Variants in ZER1 observed in about 807,000 individuals in gnomAD.
ZER1 encodes zyg-11 related cell cycle regulator.
Under a neutral mutation model 78.8 loss-of-function variants are expected in ZER1, and 11 were observed. The ratio of observed to expected loss-of-function variants is 0.14; its 90% CI spans 0.09 to 0.23. The LOEUF (loss-of-function observed/expected upper bound fraction) is 0.23. Among genes scored for constraint, ZER1 ranks in the 10% least tolerant of loss-of-function variants. The probability of loss-of-function intolerance (pLI) is 1.00; values close to 1 mark genes in which losing one functional copy is unlikely to be tolerated. For synonymous variants in ZER1, 400 were observed against 407.0 expected, an observed-to-expected ratio of 0.98 and a Z score of 0.21; for missense variants, 588 against 996.9, an observed-to-expected ratio of 0.59 and a Z score of 5.52.
intron 8 of ZER1, among the ~76,000 whole-genome samples, chr9:128,744,346 C>G (rs1000082425): frequency 2.6e-5 from 4 of 151,884 alleles, no homozygotes; most frequent in African/African-American, 9.7e-5. Context: ...TGCGTGCTAC[C>G]ATGCCCAGCT....
intron 1 of ZER1, among the ~76,000 whole-genome samples, chr9:128,757,666 C>T (rs1191192217): frequency 2.0e-5 from 3 of 152,106 alleles, no homozygotes; most frequent in Non-Finnish European, 4.4e-5. Flanking sequence ...ATTTTCCACA[C>T]GCCCACTGGC....
intron 8 of ZER1, among the ~76,000 whole-genome samples, chr9:128,747,141 G>A (rs753485086): frequency 1.3e-5 from 2 of 151,322 alleles, no homozygotes; most frequent in African/African-American, 2.4e-5. Context: ...AGAGGTTGTA[G>A]TGAGCCGAGA....
In ZER1 at chr9:128,751,489, G is replaced by A; in HGVS notation, c.962C>T (p.Ala321Val). The change falls in exon 6 of 16, where the codon GCT becomes GTT. Residue 321 changes from alanine to valine, a missense_variant. By Grantham distance (64) the Ala-to-Val change is moderately conservative. This residue lies in a region of ZER1 where 406 missense variants were observed against 660.1 expected (regional missense o/e 0.62). Transcript: ENST00000291900. This position sits in a 1 kb window ranked among gnomAD's most constrained non-coding sequence, Gnocchi z 5.4. ...GAGGAACTGCAGCGGCCTCTTCAGA[G>A]CCCGGAAAGGTATGATGCTGCTCTT... ...PSKSSIIPFR[A>V]LKRPLQFLGL... 6.2e-7 allele frequency: 1 copy of A among 1,614,030 alleles called. No homozygotes were observed. Among genetic ancestry groups the A allele is most frequent in the Non-Finnish European group, 8.5e-7 (1 of 1,180,032 alleles).
At position 128,753,761 on chromosome 9, in the gene ZER1, C is replaced by A. The variant is rs775623731; in HGVS notation, c.309+48G>T. ...CTGGGCTGGAGGCGAGCAGCCTGGCCCCTGCTTGGTGTGGGCCCTCCTGGC... is the reference window on the plus strand; with the variant it reads ...CTGGGCTGGAGGCGAGCAGCCTGGCACCTGCTTGGTGTGGGCCCTCCTGGC... On this transcript the variant is annotated intron_variant, in intron 3 of 15. Coordinates refer to ENST00000291900, the MANE Select transcript of ZER1 (RefSeq NM_006336.4). The surrounding 1 kb of genome is among the most constrained non-coding windows in gnomAD (Gnocchi z 7.5). 15 of 1,585,272 alleles carry A rather than the reference C, an allele frequency of 9.5e-6. No homozygotes were observed. Among genetic ancestry groups the A allele is most frequent in the Non-Finnish European group, 1.2e-5 (14 of 1,164,836 alleles).
chr9:128,742,698 C>T lies in ZER1; in HGVS notation c.1407G>A (p.Glu469=), dbSNP rs1334765996. The change falls in exon 9 of 16, where the codon GAG becomes GAA. Residue 469 remains glutamate, a synonymous_variant. Coordinates refer to ENST00000291900, the MANE Select transcript of ZER1 (RefSeq NM_006336.4). Reference sequence around the variant, plus strand: ...CCCGGCGGTACTGGAATTCCAGCTCCTCGGGGATGCTGAAGTTGCAGAGCG... The same window carrying T: ...CCCGGCGGTACTGGAATTCCAGCTCTTCGGGGATGCTGAAGTTGCAGAGCG... The part of the protein sequence containing the change: ...CLTLCNFSIP[E]ELEFQYRRVN... 3 of 1,613,836 alleles carry T rather than the reference C, an allele frequency of 1.9e-6. No individual in the cohort carries two copies. The highest frequency in any genetic ancestry group is 1.6e-4 in the Middle Eastern group (1 of 6,084).
rs1319719039 is a variant in ZER1 at position 128,738,019 on chromosome 9, T to G, written c.2042+1912A>C. ...TGCCCGGCCCTGTTTTGTTTTCTTG[T>G]TTTTTTTATTCATTTTTATTTTTAT... On this transcript the variant is annotated intron_variant, in intron 13 of 15. Coordinates refer to ENST00000291900, the MANE Select transcript of ZER1 (RefSeq NM_006336.4). Among the ~76,000 whole-genome samples, 10 of 148,238 alleles carry G rather than the reference T, an allele frequency of 6.7e-5. No homozygotes were observed. In the South Asian group the frequency reaches 2.1e-3, roughly 31 times the overall value.
intron 8 of ZER1, among the ~76,000 whole-genome samples, chr9:128,749,793 C>T (rs892062202): frequency 3.9e-5 from 6 of 152,000 alleles, no homozygotes; most frequent in Non-Finnish European, 8.8e-5. Context: ...TCTGTAATCC[C>T]AGCACTTTGG....
intron 8 of ZER1, among the ~76,000 whole-genome samples, chr9:128,747,836 C>A (rs1407741867): frequency 6.6e-6 from 1 of 152,174 alleles, no homozygotes; most frequent in Admixed American, 6.5e-5. Context: ...CCAGGCTGGT[C>A]TGGAACTCCT....
chr9:128,745,199 GTTTT>G (rs570009551), intron 8 of ZER1, among the ~76,000 whole-genome samples: 62 of 128,498 alleles, frequency 4.8e-4, no homozygotes, highest in African/African-American at 1.7e-3. Context: ...ATTTGTTTGG[GTTTT>G]TTTTTTTTTT....
chr9:128,751,849 T>C lies in ZER1; in HGVS notation c.924-322A>G, dbSNP rs1011425101. 6.6e-6 allele frequency among the ~76,000 whole-genome samples: 1 copy of C among 152,196 alleles called. No homozygotes were observed. The highest frequency in any genetic ancestry group is 6.5e-5 in the Admixed American group (1 of 15,276). ...TCAACTGAACACCATTAAAGCAGGC[T>C]GGGGCCAGGGCTTATGGGTGGCCAG... On this transcript the variant is annotated intron_variant, in intron 5 of 15. Transcript: ENST00000291900. This position sits in a 1 kb window ranked among gnomAD's most constrained non-coding sequence, Gnocchi z 5.4.
chr9:128,738,633 C>G (rs1863176732), intron 13 of ZER1, among the ~76,000 whole-genome samples: 2 of 152,014 alleles, frequency 1.3e-5, no homozygotes, highest in East Asian at 3.9e-4. Context: ...GATCCGCCCG[C>G]CTCTGCCTCC....
chr9:128,766,385 T>C lies in ZER1; in HGVS notation c.-95+5196A>G, dbSNP rs1196939466. Among the ~76,000 whole-genome samples the C allele has an allele frequency of 2.0e-5, 3 of 151,658 alleles. No homozygotes were observed. In the East Asian group the frequency reaches 5.8e-4, roughly 29 times the overall value. On this transcript the variant is annotated intron_variant, in intron 1 of 15. Coordinates refer to ENST00000291900, the MANE Select transcript of ZER1 (RefSeq NM_006336.4). ...AAAAAAAGAACTCTGTTAAGTATTT[T>C]ATATGTGTTAATTAATTGAATTCTC... is the stretch of plus-strand genomic sequence containing the variant.
Position 128,754,598 on chromosome 9 carries a change from C to T in ZER1, c.159-639G>A, listed in dbSNP as rs1863796813. Among the ~76,000 whole-genome samples, 1 of 152,116 alleles carries T rather than the reference C, an allele frequency of 6.6e-6. No individual in the cohort carries two copies. Among genetic ancestry groups the T allele is most frequent in the South Asian group, 2.1e-4 (1 of 4,834 alleles). On this transcript the variant is annotated intron_variant, in intron 2 of 15. Coordinates refer to ENST00000291900, the MANE Select transcript of ZER1 (RefSeq NM_006336.4). This position sits in a 1 kb window ranked among gnomAD's most constrained non-coding sequence, Gnocchi z 4.3. The stretch of plus-strand genomic sequence containing the variant: ...CCTGACCCACGGTAAATGCTCAGGA[C>T]GTTATTACAGGTCCACCTCTGTCCT...
rs759983646 is a variant in ZER1 at position 128,755,361 on chromosome 9, C to A, written c.158+47G>T. 3 of 1,609,590 alleles carry A rather than the reference C, an allele frequency of 1.9e-6. No individual in the cohort carries two copies. The highest frequency in any genetic ancestry group is 2.6e-6 in the Non-Finnish European group (3 of 1,176,440). On this transcript the variant is annotated intron_variant, in intron 2 of 15. Coordinates refer to ENST00000291900, the MANE Select transcript of ZER1 (RefSeq NM_006336.4). The surrounding 1 kb of genome is among the most constrained non-coding windows in gnomAD (Gnocchi z 5.6). ...CACACGGTCCCAATCTCTCTATACA[C>A]ATTCATGGTAAGACCCCTGCCCCTC...
intron 1 of ZER1, among the ~76,000 whole-genome samples, chr9:128,759,199 C>T (rs1863962815): frequency 6.6e-6 from 1 of 150,668 alleles, no homozygotes; most frequent in Non-Finnish European, 1.5e-5. Context: ...GAGACGGAGT[C>T]TAACCCTGTC....
At chr9:128,744,054 C>G (rs138963866) in intron 8 of ZER1, among the ~76,000 whole-genome samples, 3 of 151,930 alleles carry the variant, frequency 2.0e-5, no homozygotes, top group Non-Finnish European at 2.9e-5. Context: ...ACTGCCACCA[C>G]GCCCAGCTAA....
At chr9:128,764,760 T>A (rs1864154224) in intron 1 of ZER1, among the ~76,000 whole-genome samples, 1 of 152,198 alleles carries the variant, frequency 6.6e-6, no homozygotes, top group Admixed American at 6.5e-5. Flanking sequence ...ATTGTCATTC[T>A]CAGGGCAGTC....
At chr9:128,752,340 T>C (rs1244173263) in intron 5 of ZER1, among the ~76,000 whole-genome samples, 1 of 152,064 alleles carries the variant, frequency 6.6e-6, no homozygotes. Context: ...TTTTTTTTTT[T>C]TTGAGACAAA....
chr9:128,751,019 C>A lies in ZER1; in HGVS notation c.1185+103G>T. ...GGTTCGGGTCCTGGGGCCCTGGGGA[C>A]AGGGTGCAGAAGGACACAGGCTCTG... On this transcript the variant is annotated intron_variant, in intron 7 of 15. Transcript: ENST00000291900. This position sits in a 1 kb window ranked among gnomAD's most constrained non-coding sequence, Gnocchi z 5.4. 6.8e-7 allele frequency: 1 copy of A among 1,475,554 alleles called. No individual in the cohort carries two copies. Among genetic ancestry groups the A allele is most frequent in the Non-Finnish European group, 9.0e-7 (1 of 1,113,700 alleles). 91.4% of individuals were successfully genotyped at this position (1,475,554 alleles called of 1,614,324 possible).
Sources: gnomAD v4.1 joint callset for allele counts (sites outside exome capture counted in the v4.1 genomes callset) on GRCh38, gnomAD v4.1.1 for gene constraint, gnomAD v4.1.1 regional missense constraint, Gnocchi (gnomAD v3.1) non-coding constraint, MANE v1.5 for transcripts, NCBI Gene and HGNC (gene_info 2026-07-23, HGNC 2026-07-21) for gene names.